Variants in DNM2 observed in about 807,000 individuals in gnomAD.
The protein encoded by DNM2 is dynamin-2.
Under a neutral mutation model 99.0 loss-of-function variants are expected in DNM2, and 15 were observed. The observed-to-expected ratio is 0.15, with a 90% confidence interval of 0.10 to 0.23. The LOEUF is 0.23. Ranked by LOEUF, DNM2 falls within the 10% of genes least tolerant of loss-of-function variation. The pLI is 1.00. For missense variants in DNM2, 742 were observed against 1,189.4 expected, an observed-to-expected ratio of 0.62 and a Z score of 5.53; for synonymous variants, 525 against 481.2, an observed-to-expected ratio of 1.09 and a Z score of -1.19.
intron 2 of DNM2, among the ~76,000 whole-genome samples, chr19:10,762,686 C>CG (rs2070673898): frequency 6.6e-6 from 1 of 152,162 alleles, no homozygotes; most frequent in Non-Finnish European, 1.5e-5. Flanking sequence ...AGGAGGGAGC[C>CG]AAGGCTTCCT....
At chr19:10,806,173 G>C (rs577376655) in intron 13 of DNM2, among the ~76,000 whole-genome samples, 1 of 152,272 alleles carries the variant, frequency 6.6e-6, no homozygotes, top group South Asian at 2.1e-4. Context: ...GGGCCTAGTG[G>C]GCACATTTTA....
At chr19:10,819,916 G>A in intron 15 of DNM2, 64 bp from the exon 16 acceptor site, 1 of 1,499,260 alleles carries the variant, frequency 6.7e-7, no homozygotes, top group Non-Finnish European at 9.3e-7. Flanking sequence ...TACACGCTCT[G>A]GCCTGGGGCA....
chr19:10,756,096 C>T (rs756500469), intron 1 of DNM2, among the ~76,000 whole-genome samples: 1 of 152,112 alleles, frequency 6.6e-6, no homozygotes, highest in Non-Finnish European at 1.5e-5. Context: ...AGGTTAATAC[C>T]CTGGGACAGC....
rs778964144 is a variant in DNM2 at position 10,718,242 on chromosome 19, C to G, written c.-1C>G. On this transcript the variant is annotated 5_prime_UTR_variant, in exon 1 of 21. Coordinates refer to ENST00000389253, the MANE Select transcript of DNM2 (RefSeq NM_001005361.3). ...CGCTCGGGCCGGGGGCCGCCGGCGC[C>G]ATGGGCAACCGCGGGATGGAAGAGC... 6.8e-7 allele frequency: 1 copy of G among 1,478,116 alleles called. No homozygotes were observed. Among genetic ancestry groups the G allele is most frequent in the Non-Finnish European group, 9.0e-7 (1 of 1,112,372 alleles). The allele number at this position is 1,478,116 out of a possible 1,614,324, so 91.6% of individuals were successfully genotyped here.
Position 10,830,325 on chromosome 19 carries a change from G to C in DNM2, c.2490G>C (p.Gln830His). The C allele has an allele frequency of 6.2e-7, 1 of 1,613,526 alleles. No homozygotes were observed. The highest frequency in any genetic ancestry group is 1.1e-5 in the South Asian group (1 of 91,082). ...ANSDLFPAPP[Q>H]IPSRPVRIPP... ...GTGACCTCTTCCCAGCCCCGCCTCA[G>C]ATCCCATCTCGGCCAGTTCGGATCC... Residue 830 changes from glutamine to histidine, a missense_variant, in exon 20 of 21, where the codon CAG becomes CAC. Coordinates refer to ENST00000389253, the MANE Select transcript of DNM2 (RefSeq NM_001005361.3). The surrounding 1 kb of genome is among the most constrained non-coding windows in gnomAD (Gnocchi z 4.8).
intron 1 of DNM2, among the ~76,000 whole-genome samples, chr19:10,732,058 G>A (rs1292439948): frequency 6.6e-6 from 1 of 150,952 alleles, no homozygotes; most frequent in Non-Finnish European, 1.5e-5. Context: ...AGGTTCAAGC[G>A]ATTCTTCTGC....
intron 10 of DNM2, among the ~76,000 whole-genome samples, chr19:10,797,835 ACAT>A (rs1261082172): frequency 6.6e-6 from 1 of 152,180 alleles, no homozygotes; most frequent in Non-Finnish European, 1.5e-5. Context: ...CACAGGAAAC[ACAT>A]CATCTGTATA....
rs1053646960 is a variant in DNM2 at position 10,796,874 on chromosome 19, G to A, written c.1197-506G>A. ...GCGGGCCTGGTTCCCAGGGCAGCAC[G>A]CTTTGGCCAAGCAGCTGAAATGCCT... On this transcript the variant is annotated intron_variant, in intron 9 of 20. Coordinates refer to ENST00000389253, the MANE Select transcript of DNM2 (RefSeq NM_001005361.3). This position sits in a 1 kb window ranked among gnomAD's most constrained non-coding sequence, Gnocchi z 5.6. 1.3e-5 allele frequency among the ~76,000 whole-genome samples: 2 copies of A among 152,100 alleles called. No individual in the cohort carries two copies. Among genetic ancestry groups the A allele is most frequent in the African/African-American group, 2.4e-5 (1 of 41,428 alleles).
At chr19:10,828,634 G>A (rs1178718756) in intron 18 of DNM2, among the ~76,000 whole-genome samples, 1 of 151,528 alleles carries the variant, frequency 6.6e-6, no homozygotes, top group Non-Finnish European at 1.5e-5. Flanking sequence ...TTCTGCCAAG[G>A]TTAAGGAAAT....
intron 15 of DNM2, among the ~76,000 whole-genome samples, chr19:10,814,450 G>A (rs1599606908): frequency 6.6e-6 from 1 of 151,894 alleles, no homozygotes; most frequent in East Asian, 2.0e-4. Flanking sequence ...GGCAACAAGA[G>A]TGAAAGTGTG....
Position 10,830,427 on chromosome 19 carries a change from C to T in DNM2, c.2543+49C>T. 6.3e-7 allele frequency: 1 copy of T among 1,589,032 alleles called. No individual in the cohort carries two copies. Among genetic ancestry groups the T allele is most frequent in the East Asian group, 2.2e-5 (1 of 44,652 alleles). The stretch of plus-strand genomic sequence containing the variant: ...ACCCCAACTGCCTGCACCCTGGGGT[C>T]TCTCCTCCTGTCTCACTTCCTCCCA... On this transcript the variant is annotated intron_variant, in intron 20 of 20. Transcript: ENST00000389253. This position sits in a 1 kb window ranked among gnomAD's most constrained non-coding sequence, Gnocchi z 4.8.
At chr19:10,724,248 G>A (rs1358128502) in intron 1 of DNM2, among the ~76,000 whole-genome samples, 1 of 152,084 alleles carries the variant, frequency 6.6e-6, no homozygotes, top group African/African-American at 2.4e-5. Flanking sequence ...CGCGATCTCG[G>A]CTCACTGCAA....
chr19:10,806,016 C>A lies in DNM2; in HGVS notation c.1545+49C>A. 5 of 1,611,898 alleles carry A rather than the reference C, an allele frequency of 3.1e-6. No individual in the cohort carries two copies. In the South Asian group the frequency reaches 4.4e-5, roughly 14 times the overall value. ...CCGCTCTACCCTGGGGGCGGGAGGA[C>A]GCTAAGTGACAGCTAAGCCCCCGTG... On this transcript the variant is annotated intron_variant, in intron 13 of 20. Coordinates refer to ENST00000389253, the MANE Select transcript of DNM2 (RefSeq NM_001005361.3).
chr19:10,813,680 G>A lies in DNM2; in HGVS notation c.1671+1303G>A, dbSNP rs149297397. 3.7e-3 allele frequency among the ~76,000 whole-genome samples: 565 copies of A among 152,132 alleles called. 3 individuals carry two copies. The highest frequency in any genetic ancestry group is 0.012 in the African/African-American group (515 of 41,498). ...GTCTATTAAAACCCAAAAAAAATTA[G>A]CTGGGCATGGTGGTGCATACCTGTA... On this transcript the variant is annotated intron_variant, in intron 15 of 20. Transcript: ENST00000389253.
chr19:10,819,214 C>G (rs2072885573), intron 15 of DNM2, among the ~76,000 whole-genome samples: 1 of 152,128 alleles, frequency 6.6e-6, no homozygotes, highest in African/African-American at 2.4e-5. Flanking sequence ...GAGTTTAAGA[C>G]CAGCCTGGGC....
At chr19:10,753,821 T>A (rs1414310994) in intron 1 of DNM2, among the ~76,000 whole-genome samples, 2 of 151,938 alleles carry the variant, frequency 1.3e-5, no homozygotes, top group Admixed American at 1.3e-4. Context: ...CACGCCTGGC[T>A]AATTTTTGTA....
intron 7 of DNM2, among the ~76,000 whole-genome samples, chr19:10,787,257 G>A (rs1943821488): frequency 6.6e-6 from 1 of 151,954 alleles, no homozygotes; most frequent in South Asian, 2.1e-4. Flanking sequence ...ATCATGTCAG[G>A]AGATCGAGAC....
At chr19:10,807,881 A>C (rs2072405477) in intron 13 of DNM2, among the ~76,000 whole-genome samples, 1 of 150,114 alleles carries the variant, frequency 6.7e-6, no homozygotes, top group Non-Finnish European at 1.5e-5. Flanking sequence ...GGTGGCTCAC[A>C]CCTGTAGTCC....
chr19:10,824,075 G>A (rs1450087980), intron 17 of DNM2, 176 bp downstream of exon 17: 6 of 637,980 alleles, frequency 9.4e-6, no homozygotes, highest in Admixed American at 2.6e-5. Flanking sequence ...TGTCATCAGG[G>A]CCCAGAAAGT....
Sources: allele counts gnomAD v4.1 joint callset (sites outside exome capture counted in the v4.1 genomes callset), GRCh38; gene constraint gnomAD v4.1.1; non-coding constraint Gnocchi (gnomAD v3.1); transcripts MANE v1.5; gene names NCBI Gene and HGNC (gene_info 2026-07-23, HGNC 2026-07-21).